MPPE1: variants seen among roughly 807,000 people sequenced by gnomAD.
MPPE1 encodes metallo phosphoesterase.
Under a neutral mutation model 43.8 loss-of-function variants are expected in MPPE1, and 28 were observed. The observed-to-expected ratio is 0.64, with a 90% CI of 0.47 to 0.88. MPPE1 has a LOEUF of 0.88. Among genes scored for constraint, MPPE1 ranks in the 40% least tolerant of loss-of-function variants. The probability of loss-of-function intolerance (pLI) is 0.00; values close to 1 mark genes in which losing one functional copy is unlikely to be tolerated. For missense variants in MPPE1, 428 were observed against 492.2 expected (o/e 0.87, Z 1.23); for synonymous variants, 159 against 188.5 (o/e 0.84, Z 1.28).
rs1445588350 is a variant in MPPE1 at position 11,884,320 on chromosome 18, T to C, written c.*125A>G. ...ATTTTGCAGTTACTCATTTCAGTGATTGAGAATTTCTGTGCTGTGCAGAGA... is the reference window on the plus strand; with the variant it reads ...ATTTTGCAGTTACTCATTTCAGTGACTGAGAATTTCTGTGCTGTGCAGAGA... On this transcript the variant is annotated 3_prime_UTR_variant, in exon 11 of 11. Transcript: ENST00000588072. 9.0e-6 allele frequency: 8 copies of C among 885,468 alleles called. No homozygotes were observed. In the African/African-American group the frequency reaches 1.2e-4, roughly 13 times the overall value. 54.9% of individuals were successfully genotyped at this position (885,468 alleles called of 1,614,324 possible).
At chr18:11,900,909 T>TAAA (rs559247706) in intron 2 of MPPE1, among the ~76,000 whole-genome samples, 4,047 of 126,132 alleles carry the variant, frequency 0.032, 203 homozygotes, top group East Asian at 0.1. Context: ...TCCGTCTCAT[T>TAAA]AAAAAAAAAA....
intron 2 of MPPE1, among the ~76,000 whole-genome samples, chr18:11,902,050 G>A (rs978873182): frequency 2.0e-5 from 3 of 152,108 alleles, no homozygotes; most frequent in Non-Finnish European, 4.4e-5. Flanking sequence ...TTTTCTCTAA[G>A]GCAAACCACA....
At position 11,883,853 on chromosome 18, in the gene MPPE1, G is replaced by A. The variant is rs929470488; in HGVS notation, c.*592C>T. 1 of 152,230 alleles carries A rather than the reference G, an allele frequency of 6.6e-6. No individual in the cohort carries two copies. The highest frequency in any genetic ancestry group is 2.4e-5 in the African/African-American group (1 of 41,426). 9.4% of individuals were successfully genotyped at this position (152,230 alleles called of 1,614,324 possible). A position where few individuals can be genotyped will look rare whatever the true frequency, so the allele number is the denominator to read the frequency against. On this transcript the variant is annotated 3_prime_UTR_variant, in exon 11 of 11. Transcript: ENST00000588072. Reference sequence around the variant, plus strand: ...TTATAGGCACTTGCTACCATGCTTGGCTAATTTTTGTATTTCTAGCGGAGA... The same window carrying A: ...TTATAGGCACTTGCTACCATGCTTGACTAATTTTTGTATTTCTAGCGGAGA...
Position 11,903,222 on chromosome 18 carries a change from C to A in MPPE1, c.-93+2981G>T, listed in dbSNP as rs193179827. Among the ~76,000 whole-genome samples, 4 of 152,228 alleles carry A rather than the reference C, an allele frequency of 2.6e-5. No homozygotes were observed. In the East Asian group the frequency reaches 7.7e-4, roughly 29 times the overall value. The stretch of plus-strand genomic sequence containing the variant: ...ACAATCTCCTGAGGGTCCACAGCTG[C>A]CACATTAAAGTGTTAATTAAATGCA... On this transcript the variant is annotated intron_variant, in intron 2 of 10. Transcript: ENST00000588072.
At chr18:11,892,626 T>C (rs2038132214) in intron 4 of MPPE1, among the ~76,000 whole-genome samples, 1 of 151,346 alleles carries the variant, frequency 6.6e-6, no homozygotes, top group South Asian at 2.1e-4. Context: ...TGAGCTGAGA[T>C]TGCGCCATTG....
At chr18:11,887,060 G>C (rs1365523211) in intron 6 of MPPE1, 35 bp from the exon 7 acceptor site, 1 of 1,475,360 alleles carries the variant, frequency 6.8e-7, no homozygotes, top group Non-Finnish European at 9.4e-7. Context: ...AGGCCGCTGG[G>C]GGTATCAGTG....
intron 3 of MPPE1, among the ~76,000 whole-genome samples, chr18:11,896,095 C>CTTTTTTTTTTTTTTTTTTTT (rs1178920790): frequency 6.8e-4 from 55 of 80,438 alleles, no homozygotes; most frequent in Non-Finnish European, 7.8e-4. Flanking sequence ...ATTCTTTATT[C>CTTTTTTTTTTTTTTTTTTTT]TTTTTTTTTT....
chr18:11,906,378 A>G (rs2039710996), intron 1 of MPPE1, 69 bp from the exon 2 acceptor site: 3 of 152,170 alleles, frequency 2.0e-5, no homozygotes, highest in Admixed American at 2.0e-4. Flanking sequence ...ATTAACAGGA[A>G]ACCTGACCAA....
intron 2 of MPPE1, 165 bp from the exon 3 acceptor site, chr18:11,897,521 C>T (rs1489336587): frequency 7.1e-6 from 3 of 422,730 alleles, no homozygotes; most frequent in Non-Finnish European, 1.3e-5. Flanking sequence ...AGGAAAACAA[C>T]TGACCTCTCT....
chr18:11,900,745 A>C (rs2039084342), intron 2 of MPPE1, among the ~76,000 whole-genome samples: 1 of 151,642 alleles, frequency 6.6e-6, no homozygotes, highest in Non-Finnish European at 1.5e-5. Context: ...ATCTCTACTA[A>C]AAATACAAAA....
At chr18:11,906,026 T>A (rs1356266542) in intron 2 of MPPE1, 177 bp downstream of exon 2, 1 of 152,158 alleles carries the variant, frequency 6.6e-6, no homozygotes, top group African/African-American at 2.4e-5. Context: ...GTGTTACTGT[T>A]TTCACTCCCA....
intron 4 of MPPE1, chr18:11,893,261 C>G (rs1363458082): frequency 5.7e-6 from 3 of 522,334 alleles, no homozygotes; most frequent in Non-Finnish European, 6.8e-6. Flanking sequence ...AATTAGCCAA[C>G]CTAACTCAAG....
At chr18:11,890,209 TG>T (rs1567940334) in intron 4 of MPPE1, among the ~76,000 whole-genome samples, 1 of 152,216 alleles carries the variant, frequency 6.6e-6, no homozygotes, top group South Asian at 2.1e-4. Flanking sequence ...CCCAAAGTGC[TG>T]GGATTACAGG....
rs548656392 is a variant in MPPE1, at chr18:11,886,207, A to G, written c.867+292T>C. 128 of 370,050 alleles carry G rather than the reference A, an allele frequency of 3.5e-4. 1 individual carries two copies. The highest frequency in any genetic ancestry group is 2.4e-3 in the African/African-American group (111 of 46,724). The allele number at this position is 370,050 out of a possible 1,614,324, so 22.9% of individuals were successfully genotyped here. A position where few individuals can be genotyped will look rare whatever the true frequency, so the allele number is the denominator to read the frequency against. ...AAATTGACTTTTCAGTTCCATTCAC[A>G]TTTCTAAATACATTTAAGTTGGTGA... On this transcript the variant is annotated intron_variant, in intron 9 of 10. Transcript: ENST00000588072. The surrounding 1 kb of genome is among the most constrained non-coding windows in gnomAD (Gnocchi z 4.1).
In MPPE1 at chr18:11,886,384, A is replaced by C; in HGVS notation, c.867+115T>G. 2 of 1,439,844 alleles carry C rather than the reference A, an allele frequency of 1.4e-6. No individual in the cohort carries two copies. The highest frequency in any genetic ancestry group is 1.9e-6 in the Non-Finnish European group (2 of 1,033,280). 89.2% of individuals were successfully genotyped at this position (1,439,844 alleles called of 1,614,324 possible). A position where few individuals can be genotyped will look rare whatever the true frequency, so the allele number is the denominator to read the frequency against. ...ACCCCTGTCCCCCCAGGTGATAACTAAGTCATGAACGTTTCAGCAAACACC... is the reference window on the plus strand; with the variant it reads ...ACCCCTGTCCCCCCAGGTGATAACTCAGTCATGAACGTTTCAGCAAACACC... On this transcript the variant is annotated intron_variant, in intron 9 of 10. Coordinates refer to ENST00000588072, the MANE Select transcript of MPPE1 (RefSeq NM_023075.6). The surrounding 1 kb of genome is among the most constrained non-coding windows in gnomAD (Gnocchi z 4.1).
At position 11,904,571 on chromosome 18, in the gene MPPE1, G is replaced by C. The variant is rs567263042; in HGVS notation, c.-93+1632C>G. On this transcript the variant is annotated intron_variant, in intron 2 of 10. Coordinates refer to ENST00000588072, the MANE Select transcript of MPPE1 (RefSeq NM_023075.6). ...TAGGCTCAAGTGATCCACTGGCCTCGGCCTCCCAAAATACTGGGATTACAG... is the reference window on the plus strand; with the variant it reads ...TAGGCTCAAGTGATCCACTGGCCTCCGCCTCCCAAAATACTGGGATTACAG... Among the ~76,000 whole-genome samples the C allele has an allele frequency of 2.6e-5, 4 of 152,144 alleles. No homozygotes were observed. In the East Asian group the frequency reaches 7.8e-4, roughly 30 times the overall value.
chr18:11,886,650 C>A lies in MPPE1; in HGVS notation c.745-29G>T, dbSNP rs1266501024. 2 of 1,614,096 alleles carry A rather than the reference C, an allele frequency of 1.2e-6. No homozygotes were observed. The highest frequency in any genetic ancestry group is 2.2e-5 in the East Asian group (1 of 44,884). On this transcript the variant is annotated intron_variant, in intron 8 of 10. Transcript: ENST00000588072. The surrounding 1 kb of genome is among the most constrained non-coding windows in gnomAD (Gnocchi z 4.1). ...TCCGGGGTGGAGAGAGGAGTTCAGG[C>A]GGCTATCGTGAAACCACAGGCTGCC...
intron 2 of MPPE1, among the ~76,000 whole-genome samples, chr18:11,900,149 C>CTAG (rs2038991683): frequency 6.6e-6 from 1 of 152,142 alleles, no homozygotes; most frequent in African/African-American, 2.4e-5. Context: ...GAGTTCGAGA[C>CTAG]TAGCCTGGCC....
At chr18:11,891,957 A>G (rs1486524425) in intron 4 of MPPE1, among the ~76,000 whole-genome samples, 1 of 151,240 alleles carries the variant, frequency 6.6e-6, no homozygotes, top group Non-Finnish European at 1.5e-5. Flanking sequence ...GGCGTGCACC[A>G]TCACGCCTGG....
Sources: gnomAD v4.1 joint callset for allele counts (sites outside exome capture counted in the v4.1 genomes callset) on GRCh38, gnomAD v4.1.1 for gene constraint, Gnocchi (gnomAD v3.1) non-coding constraint, MANE v1.5 for transcripts, NCBI Gene and HGNC (gene_info 2026-07-23, HGNC 2026-07-21) for gene names.